Variants in NADSYN1 observed in about 807,000 individuals in gnomAD.
NADSYN1 encodes glutamine-dependent NAD(+) synthetase.
Under a neutral mutation model 99.3 loss-of-function variants are expected in NADSYN1, and 80 were observed. The observed-to-expected ratio is 0.81, with a 90% CI of 0.67 to 0.97. The LOEUF is 0.97. Among genes scored for constraint, NADSYN1 ranks in the 50% least tolerant of loss-of-function variants. NADSYN1 has a pLI of 0.00. For synonymous variants in NADSYN1, 385 were observed against 372.1 expected, an observed-to-expected ratio of 1.03 and a Z score of -0.40; for missense variants, 859 against 948.5, an observed-to-expected ratio of 0.91 and a Z score of 1.24.
At chr11:71,458,305 G>A (rs1050195438) in intron 2 of NADSYN1, 123 bp from the exon 3 acceptor site, 2 of 716,924 alleles carry the variant, frequency 2.8e-6, no homozygotes, top group Admixed American at 2.1e-5. Flanking sequence ...TCACCTGGAA[G>A]GCTTTGAGAA....
chr11:71,498,078 G>A (rs902808469), intron 19 of NADSYN1, among the ~76,000 whole-genome samples: 23 of 152,232 alleles, frequency 1.5e-4, no homozygotes, highest in Middle Eastern at 3.4e-3. Flanking sequence ...GGGGGACCCC[G>A]GTTTCATAGC....
In NADSYN1 at chr11:71,473,352, C is replaced by T; in HGVS notation, c.534C>T (p.Leu178=). 6.2e-7 allele frequency: 1 copy of T among 1,614,180 alleles called. No individual in the cohort carries two copies. Residue 178 remains leucine, a synonymous_variant, in exon 7 of 21, where the codon CTC becomes CTT. Coordinates refer to ENST00000319023, the MANE Select transcript of NADSYN1 (RefSeq NM_018161.5). Reference sequence around the variant, plus strand: ...TTGGAAGTGAGATCTGTGAGGAGCTCTGGACACCCCACAGGTCAGCCCCAT... The same window carrying T: ...TTGGAAGTGAGATCTGTGAGGAGCTTTGGACACCCCACAGGTCAGCCCCAT... ...TCIGSEICEE[L]WTPHSPHIDM...
rs752127826 is a variant in NADSYN1, at chr11:71,501,398, C to T, written c.*46C>T. The T allele has an allele frequency of 1.9e-6, 3 of 1,551,666 alleles. No individual in the cohort carries two copies. The highest frequency in any genetic ancestry group is 1.7e-4 in the Middle Eastern group (1 of 5,994). On this transcript the variant is annotated 3_prime_UTR_variant, in exon 21 of 21. Transcript: ENST00000319023. The stretch of plus-strand genomic sequence containing the variant: ...CCTCCTGTCCTCGGGGACCCCAGCA[C>T]CTCATCATCAGCATTGCTGGAGCCA...
intron 2 of NADSYN1, among the ~76,000 whole-genome samples, chr11:71,457,410 A>T (rs1022675051): frequency 6.6e-6 from 1 of 152,188 alleles, no homozygotes; most frequent in Non-Finnish European, 1.5e-5. Context: ...TTCCAGGCTG[A>T]TGTGTAGTAG....
chr11:71,457,166 G>T (rs981597501), intron 2 of NADSYN1, among the ~76,000 whole-genome samples: 1 of 152,248 alleles, frequency 6.6e-6, no homozygotes, highest in African/African-American at 2.4e-5. Context: ...GGGCCAGGAC[G>T]CCAACAGGGC....
chr11:71,497,801 G>A (rs1261029252), intron 19 of NADSYN1, among the ~76,000 whole-genome samples, 190 bp downstream of exon 19: 1 of 152,184 alleles, frequency 6.6e-6, no homozygotes. Flanking sequence ...GTTAATCTGA[G>A]TGAGGCTCAC....
chr11:71,458,411 T>C lies in NADSYN1; in HGVS notation c.147-17T>C, dbSNP rs760975087. On this transcript the variant is annotated splice_polypyrimidine_tract_variant and intron_variant, in intron 2 of 20. Coordinates refer to ENST00000319023, the MANE Select transcript of NADSYN1 (RefSeq NM_018161.5). ...CCTGAGTTGTTTCTGGAGCTCACCT[T>C]CTCACTGTCTCTGCAGCGGCTACGG... 2.1e-5 allele frequency: 34 copies of C among 1,600,238 alleles called. No homozygotes were observed. Among genetic ancestry groups the C allele is most frequent in the Non-Finnish European group, 2.8e-5 (33 of 1,167,448 alleles).
chr11:71,466,817 C>T (rs1475070517), intron 5 of NADSYN1: 2 of 152,214 alleles, frequency 1.3e-5, no homozygotes, highest in Non-Finnish European at 2.9e-5. Flanking sequence ...CAAATGTGCA[C>T]CACTGAGCTG....
chr11:71,478,079 TACTG>T (rs1414904122), intron 9 of NADSYN1, among the ~76,000 whole-genome samples: 2 of 151,828 alleles, frequency 1.3e-5, no homozygotes, highest in African/African-American at 2.4e-5. Flanking sequence ...GGGGGTGTCT[TACTG>T]ACAGGGGTGT....
chr11:71,484,863 G>A (rs1425940253), intron 15 of NADSYN1: 2 of 200,642 alleles, frequency 1.0e-5, no homozygotes, highest in East Asian at 2.4e-4. Context: ...GTGCTTGTGA[G>A]TGCTTGTGCA....
intron 19 of NADSYN1, 92 bp from the exon 20 acceptor site, chr11:71,498,260 A>T: frequency 2.1e-6 from 3 of 1,413,536 alleles, no homozygotes; most frequent in Non-Finnish European, 2.0e-6. Context: ...GTAACCCATT[A>T]GTCATTTGCT....
In NADSYN1 at chr11:71,458,208, A is replaced by T. The variant is rs1949525631; in HGVS notation, c.147-220A>T. On this transcript the variant is annotated intron_variant, in intron 2 of 20. Coordinates refer to ENST00000319023, the MANE Select transcript of NADSYN1 (RefSeq NM_018161.5). The stretch of plus-strand genomic sequence containing the variant: ...GAGTTTTTGTAGTAACTTAAAACTC[A>T]GAGAGAGGAGCAGGGGCCGTGCTCT... Among the ~76,000 whole-genome samples, 3 of 152,236 alleles carry T rather than the reference A, an allele frequency of 2.0e-5. No individual in the cohort carries two copies. The South Asian group carries it at 6.2e-4, about 31-fold the overall frequency.
rs557665196 is a variant in NADSYN1 at position 71,501,344 on chromosome 11, G to A, written c.2113G>A (p.Val705Met). The A allele has an allele frequency of 1.6e-5, 26 of 1,606,376 alleles. No homozygotes were observed. The highest frequency in any genetic ancestry group is 1.7e-4 in the Middle Eastern group (1 of 6,042). Reference protein sequence around the residue: ...ERAEPQSLDGVD With the variant: ...ERAEPQSLDGMD Reference sequence around the variant, plus strand: ...GGCAGAGCCACAGTCCCTGGACGGCGTGGACTGAGGCCGGTTCCTTCCTGG... The same window carrying A: ...GGCAGAGCCACAGTCCCTGGACGGCATGGACTGAGGCCGGTTCCTTCCTGG... The change falls in exon 21 of 21, where the codon GTG (valine) becomes ATG (methionine). Residue 705 changes from valine to methionine, a missense_variant. Transcript: ENST00000319023.
chr11:71,483,255 C>T (rs796563808), intron 14 of NADSYN1, among the ~76,000 whole-genome samples: 1 of 152,154 alleles, frequency 6.6e-6, no homozygotes, highest in Admixed American at 6.5e-5. Flanking sequence ...CACCTAGGAG[C>T]TTATCAGGGC....
intron 5 of NADSYN1, among the ~76,000 whole-genome samples, chr11:71,464,889 A>T (rs1949577400): frequency 6.6e-6 from 1 of 151,148 alleles, no homozygotes; most frequent in Admixed American, 6.6e-5. Flanking sequence ...AAAAAAAAAA[A>T]AAAAGAGCGG....
chr11:71,473,418 T>C, intron 7 of NADSYN1, 52 bp downstream of exon 7: 1 of 1,580,198 alleles, frequency 6.3e-7, no homozygotes, highest in South Asian at 1.1e-5. Flanking sequence ...ATGGGCCAGC[T>C]GGGAGGACCT....
chr11:71,477,446 C>G (rs1949676647), intron 9 of NADSYN1: 1 of 1,289,414 alleles, frequency 7.8e-7, no homozygotes, highest in Admixed American at 2.3e-5. Context: ...CAGGTATGGC[C>G]CCCTGTTACG....
At chr11:71,476,068 G>T in intron 9 of NADSYN1, 1 of 456,270 alleles carries the variant, frequency 2.2e-6, no homozygotes, top group Non-Finnish European at 4.4e-6. Context: ...TGCCACAAAT[G>T]GAAACAAATC....
chr11:71,477,459 G>T (rs1015744727), intron 9 of NADSYN1: 2 of 1,288,718 alleles, frequency 1.6e-6, no homozygotes, highest in East Asian at 1.1e-4. Flanking sequence ...CTGTTACGGC[G>T]GTAGGAGCAA....
Sources: gnomAD v4.1 joint callset for allele counts (sites outside exome capture counted in the v4.1 genomes callset) on GRCh38, gnomAD v4.1.1 for gene constraint, MANE v1.5 for transcripts, NCBI Gene and HGNC (gene_info 2026-07-23, HGNC 2026-07-21) for gene names.